The following TRMT44 variants were observed in gnomAD, a reference collection of about 807,000 sequenced individuals.
The protein encoded by TRMT44 is tRNA methyltransferase 44 homolog.
Under a neutral mutation model 77.3 loss-of-function variants are expected in TRMT44, and 78 were observed. The ratio of observed to expected loss-of-function variants is 1.01; its 90% CI spans 0.84 to 1.22. TRMT44 has a LOEUF of 1.22. Among genes scored for constraint, TRMT44 ranks in the 50% most tolerant of loss-of-function variants. TRMT44 has a pLI of 0.00. For synonymous variants in TRMT44, 391 were observed against 383.3 expected, an observed-to-expected ratio of 1.02 and a Z score of -0.23; for missense variants, 1,090 against 964.4, an observed-to-expected ratio of 1.13 and a Z score of -1.73.
At chr4:8,471,015 C>A in intron 9 of TRMT44, 69 bp from the exon 10 acceptor site, 1 of 1,088,054 alleles carries the variant, frequency 9.2e-7, no homozygotes, top group African/African-American at 1.6e-5. Context: ...TGGACTGTTT[C>A]TGCCTGTGTG....
chr4:8,470,197 C>T (rs1159387238), intron 9 of TRMT44, among the ~76,000 whole-genome samples: 2 of 152,226 alleles, frequency 1.3e-5, no homozygotes, highest in East Asian at 1.9e-4. Flanking sequence ...TTTGAGACAG[C>T]CGAGAGGTGG....
chr4:8,494,917 G>A (rs1165193930), downstream of TRMT44, among the ~76,000 whole-genome samples: 1 of 152,194 alleles, frequency 6.6e-6, no homozygotes, highest in African/African-American at 2.4e-5. Flanking sequence ...TGTTCTGGGA[G>A]CACCGTCGTA....
chr4:8,458,876 C>T (rs1182942315), intron 6 of TRMT44, among the ~76,000 whole-genome samples: 1 of 152,020 alleles, frequency 6.6e-6, no homozygotes, highest in East Asian at 1.9e-4. Context: ...CAACAATAGG[C>T]TATGAGTAGT....
At chr4:8,495,915 C>T (rs553334024), downstream of TRMT44, among the ~76,000 whole-genome samples, 3 of 152,220 alleles carry the variant, frequency 2.0e-5, no homozygotes, top group African/African-American at 7.2e-5. Context: ...TCTCCCACAA[C>T]CAATCAGACT....
intron 2 of TRMT44, among the ~76,000 whole-genome samples, chr4:8,493,105 C>T (rs974857726): frequency 3.9e-5 from 6 of 152,134 alleles, no homozygotes; most frequent in Admixed American, 3.9e-4. Flanking sequence ...AAACAAAGTC[C>T]CTGCCTGCCT....
chr4:8,487,307 G>A (rs62287402), intron 2 of TRMT44, among the ~76,000 whole-genome samples: 4,130 of 152,172 alleles, frequency 0.027, 69 homozygotes, highest in South Asian at 0.04. Context: ...AGGAATGGAG[G>A]GTGGAAGGTT....
chr4:8,470,185 G>T (rs1401939017), intron 9 of TRMT44, among the ~76,000 whole-genome samples: 2 of 152,238 alleles, frequency 1.3e-5, no homozygotes, highest in African/African-American at 4.8e-5. Context: ...TCTCAGAATG[G>T]ATTTGAGACA....
At chr4:8,470,172 T>C (rs1036187199) in intron 9 of TRMT44, among the ~76,000 whole-genome samples, 2 of 152,186 alleles carry the variant, frequency 1.3e-5, no homozygotes, top group Non-Finnish European at 2.9e-5. Flanking sequence ...ACACTCCCGC[T>C]CCTCTCAGAA....
the TRMT44 span, chr4:8,510,229 T>A: frequency 6.6e-6 from 1 of 152,642 alleles, no homozygotes; most frequent in Non-Finnish European, 1.5e-5. Flanking sequence ...TCCTGGAGAC[T>A]CCAGGGGAGA....
At chr4:8,513,533 T>A in the TRMT44 span, among the ~76,000 whole-genome samples, 2 of 152,132 alleles carry the variant, frequency 1.3e-5, no homozygotes, top group African/African-American at 4.8e-5. Context: ...TGAAAATGGA[T>A]AAGTCAGACC....
chr4:8,480,954 A>G (rs895259293), downstream of TRMT44, among the ~76,000 whole-genome samples: 3 of 152,168 alleles, frequency 2.0e-5, no homozygotes, highest in Admixed American at 2.0e-4. Flanking sequence ...GTGGGGGAAA[A>G]TTTGCATCTG....
chr4:8,463,160 C>A (rs529360180), intron 6 of TRMT44, among the ~76,000 whole-genome samples: 42 of 152,190 alleles, frequency 2.8e-4, no homozygotes, highest in Non-Finnish European at 5.3e-4. Context: ...GGAATAACTT[C>A]TGTTCACTTA....
downstream of TRMT44, chr4:8,477,918 C>T (rs998180388): frequency 6.5e-6 from 1 of 152,838 alleles, no homozygotes; most frequent in Non-Finnish European, 1.5e-5. Context: ...CCTGCCGCCG[C>T]CTCCTGGAAG....
intron 3 of TRMT44, 61 bp downstream of exon 3, chr4:8,449,949 C>CTTTTTTTTTCTTTTTTT: frequency 4.2e-6 from 1 of 238,684 alleles, no homozygotes; most frequent in Non-Finnish European, 6.1e-6. Flanking sequence ...CTTTTCTTTT[C>CTTTTTTTTTCTTTTTTT]TTTTTTTTTT....
At chr4:8,482,785 C>T (rs941593308) in intron 2 of TRMT44, among the ~76,000 whole-genome samples, 6 of 151,994 alleles carry the variant, frequency 3.9e-5, no homozygotes, top group Non-Finnish European at 7.4e-5. Context: ...GCCATCTGGG[C>T]ATATACGTGC....
At chr4:8,477,052 T>C (rs968227662), downstream of TRMT44, 2 of 152,250 alleles carry the variant, frequency 1.3e-5, no homozygotes, top group Admixed American at 1.3e-4. Flanking sequence ...CCGATGTTTC[T>C]ATTTAAAGTT....
rs1466738532 is a variant in TRMT44, at chr4:8,475,897, C to T, written c.2170C>T (p.His724Tyr). ...CKTRLCWFFM[H>Y]HPDGCALSTD... ...AACCCGCCTCTGCTGGTTCTTCATG[C>T]ATCACCCTGATGGCTGCGCTCTGTC... Residue 724 changes from histidine to tyrosine, a missense_variant, in exon 11 of 11, where the codon CAT (histidine) becomes TAT (tyrosine). By Grantham distance (83) the His-to-Tyr change is moderately conservative. Coordinates refer to ENST00000389737, the MANE Select transcript of TRMT44 (RefSeq NM_152544.3). The T allele has an allele frequency of 1.2e-6, 2 of 1,614,232 alleles. No individual in the cohort carries two copies. The highest frequency in any genetic ancestry group is 1.1e-5 in the South Asian group (1 of 91,088).
the TRMT44 span, among the ~76,000 whole-genome samples, chr4:8,511,442 A>C: frequency 1.3e-5 from 2 of 152,162 alleles, no homozygotes; most frequent in African/African-American, 4.8e-5. Context: ...AGGACCTTAC[A>C]TGGAACGGAG....
downstream of TRMT44, among the ~76,000 whole-genome samples, chr4:8,494,315 A>G (rs1728093196): frequency 6.6e-6 from 1 of 152,194 alleles, no homozygotes; most frequent in Non-Finnish European, 1.5e-5. Context: ...TCACCCTCAC[A>G]ATGTAAATGG....
Sources: allele counts gnomAD v4.1 joint callset (sites outside exome capture counted in the v4.1 genomes callset), GRCh38; gene constraint gnomAD v4.1.1; transcripts MANE v1.5; gene names NCBI Gene and HGNC (gene_info 2026-07-23, HGNC 2026-07-21).